The following GOLGB1 variants were observed in gnomAD, a reference collection of about 807,000 sequenced individuals.
The protein encoded by GOLGB1 is golgin subfamily B member 1.
A neutral mutation model predicts 336.9 loss-of-function variants in GOLGB1; 174 were observed. The observed-to-expected ratio is 0.52, with a 90% CI of 0.46 to 0.59. GOLGB1 has a LOEUF of 0.59. Among genes scored for constraint, GOLGB1 ranks in the 20% least tolerant of loss-of-function variants. The pLI, the probability that GOLGB1 is intolerant of heterozygous loss-of-function variation, is 0.00. For synonymous variants in GOLGB1, 1,208 were observed against 1,289.2 expected (o/e 0.94, Z 1.35); for missense variants, 3,331 against 3,645.3 (o/e 0.91, Z 2.22).
chr3:121,723,082 G>T (rs183306248), intron 5 of GOLGB1, among the ~76,000 whole-genome samples: 1 of 152,068 alleles, frequency 6.6e-6, no homozygotes, highest in Non-Finnish European at 1.5e-5. Flanking sequence ...GAAGAAAGAG[G>T]TCTACAAACG....
intron 9 of GOLGB1, among the ~76,000 whole-genome samples, chr3:121,716,099 A>G (rs991930266): frequency 6.6e-6 from 1 of 152,214 alleles, no homozygotes; most frequent in Non-Finnish European, 1.5e-5. Flanking sequence ...CTATGTCAAT[A>G]TATTAGTAAA....
intron 1 of GOLGB1, among the ~76,000 whole-genome samples, chr3:121,744,543 C>T (rs549488313): frequency 6.1e-5 from 9 of 147,276 alleles, no homozygotes; most frequent in African/African-American, 1.8e-4. Flanking sequence ...CACTTGAGCC[C>T]AGGAGTTTGA....
At chr3:121,726,056 T>C (rs908604745) in intron 5 of GOLGB1, among the ~76,000 whole-genome samples, 2 of 150,838 alleles carry the variant, frequency 1.3e-5, no homozygotes, top group Admixed American at 6.6e-5. Flanking sequence ...GATATGATTA[T>C]AGGTGATAAA....
intron 10 of GOLGB1, among the ~76,000 whole-genome samples, chr3:121,706,757 A>AC (rs1410444090): frequency 6.7e-6 from 1 of 149,398 alleles, no homozygotes; most frequent in Non-Finnish European, 1.5e-5. Flanking sequence ...AAAAAAAAAA[A>AC]AACCAACAAA....
In GOLGB1 at chr3:121,691,892, C is replaced by T. The variant is rs767375937; in HGVS notation, c.7472G>A (p.Arg2491Gln). Residue 2491 changes from arginine (R) to glutamine (Q), a missense_variant, in exon 14 of 22, where the codon CGA becomes CAA. Transcript: ENST00000614479. ...IVGDYQQLEERHLSIILEKDQ... is the reference protein window; with the variant it reads ...IVGDYQQLEEQHLSIILEKDQ... ...TTTTTCCAAGATTATAGAGAGATGT[C>T]GCTCTTCCAGCTGTTGATAGTCACC... 12 of 1,613,686 alleles carry T rather than the reference C, an allele frequency of 7.4e-6. No individual in the cohort carries two copies. Among genetic ancestry groups the T allele is most frequent in the East Asian group, 6.7e-5 (3 of 44,890 alleles).
rs1944666170 is a variant in GOLGB1 at position 121,715,245 on chromosome 3, C to A, written c.1289-269G>T. Among the ~76,000 whole-genome samples the A allele has an allele frequency of 2.7e-5, 4 of 150,532 alleles. 1 individual carries two copies. In the South Asian group the frequency reaches 8.4e-4, roughly 32 times the overall value. On this transcript the variant is annotated intron_variant, in intron 9 of 21. Transcript: ENST00000614479. Reference sequence around the variant, plus strand: ...TTGATACGGAGTCTCCCTCTGTTGCCTAAGCTGGAGTGCAGTGGTGCGATC... The same window carrying A: ...TTGATACGGAGTCTCCCTCTGTTGCATAAGCTGGAGTGCAGTGGTGCGATC...
chr3:121,693,078 G>A (rs576731274), intron 13 of GOLGB1, among the ~76,000 whole-genome samples: 14 of 152,234 alleles, frequency 9.2e-5, no homozygotes, highest in African/African-American at 2.6e-4. Flanking sequence ...ACTCTAAGAG[G>A]TATATGCAGT....
In GOLGB1 at chr3:121,693,815, A is replaced by G; in HGVS notation, c.6708T>C (p.Asp2236=). 6.2e-7 allele frequency: 1 copy of G among 1,610,606 alleles called. No individual in the cohort carries two copies. The highest frequency in any genetic ancestry group is 8.5e-7 in the Non-Finnish European group (1 of 1,176,802). Residue 2236 remains aspartate (D), a synonymous_variant, in exon 13 of 22, where the codon GAT becomes GAC. Transcript: ENST00000614479. ...SKEEEIRLKE[D]NCSVLKDQLR... is the part of the protein sequence containing the mutation. ...GTTGATCCTTTAGAACACTGCAATT[A>G]TCTTCTTTGAGTCTAATTTCTTCTT...
At position 121,699,845 on chromosome 3, in the gene GOLGB1, A is replaced by C; in HGVS notation, c.1560T>G (p.Asn520Lys). The change falls in exon 12 of 22, where the codon AAT (asparagine) becomes AAG (lysine). Residue 520 changes from asparagine to lysine, a missense_variant. By Grantham distance (94) the Asn-to-Lys change is moderately conservative. Transcript: ENST00000614479. ...SSQITLLEAQ[N>K]RTGEADREVS... The stretch of plus-strand genomic sequence containing the variant: ...CTTCTCTGTCTGCCTCCCCAGTTCT[A>C]TTCTGAGCCTCTAGGAGAGTAATCT... 3.1e-6 allele frequency: 5 copies of C among 1,606,198 alleles called. No homozygotes were observed. The highest frequency in any genetic ancestry group is 4.3e-6 in the Non-Finnish European group (5 of 1,173,778).
intron 13 of GOLGB1, among the ~76,000 whole-genome samples, chr3:121,693,359 G>T (rs761074919): frequency 6.6e-6 from 1 of 152,000 alleles, no homozygotes; most frequent in Non-Finnish European, 1.5e-5. Context: ...GTGTTGGTAG[G>T]CTCCTGTAAT....
chr3:121,686,347 AC>A (rs1325040394), intron 14 of GOLGB1, among the ~76,000 whole-genome samples: 1 of 152,184 alleles, frequency 6.6e-6, no homozygotes, highest in African/African-American at 2.4e-5. Flanking sequence ...TCTTTCTAAC[AC>A]AGTACAGGAT....
At chr3:121,699,735 A>G (rs922583826) in intron 12 of GOLGB1, 77 bp downstream of exon 12, 1 of 809,578 alleles carries the variant, frequency 1.2e-6, no homozygotes, top group Non-Finnish European at 2.1e-6. Context: ...CTAGAAAATT[A>G]TGGACGTATT....
At chr3:121,692,627 CTG>C (rs768920379) in intron 13 of GOLGB1, 46 bp from the exon 14 acceptor site, 19 of 1,137,820 alleles carry the variant, frequency 1.7e-5, no homozygotes, top group Non-Finnish European at 2.3e-5. Flanking sequence ...AAGAAAAAAA[CTG>C]TGTTTCCCAA....
intron 5 of GOLGB1, among the ~76,000 whole-genome samples, chr3:121,726,278 CA>C (rs1945589810): frequency 6.7e-6 from 1 of 149,746 alleles, no homozygotes; most frequent in Admixed American, 6.6e-5. Context: ...ACTAAAAATA[CA>C]AAAAATTAGC....
chr3:121,740,368 C>T (rs1278009612), intron 1 of GOLGB1, among the ~76,000 whole-genome samples: 2 of 152,120 alleles, frequency 1.3e-5, no homozygotes, highest in African/African-American at 4.8e-5. Flanking sequence ...TGTGACTCTA[C>T]AATTGTCTTC....
chr3:121,697,402 C>T lies in GOLGB1; in HGVS notation c.3121G>A (p.Glu1041Lys), dbSNP rs1943040045. ...EIPLSETERG[E>K]VEEDKENKEY... Reference sequence around the variant, plus strand: ...TTGTTTTCTTTATCTTCTTCCACTTCTCCCCTCTCAGTCTCACTGAGTGGG... The same window carrying T: ...TTGTTTTCTTTATCTTCTTCCACTTTTCCCCTCTCAGTCTCACTGAGTGGG... Residue 1041 changes from glutamate to lysine, a missense_variant, in exon 13 of 22, where the codon GAA (glutamate) becomes AAA (lysine). Glu to Lys is a moderately conservative substitution (Grantham distance 56). Transcript: ENST00000614479. The T allele has an allele frequency of 1.2e-6, 2 of 1,613,292 alleles. No individual in the cohort carries two copies. The highest frequency in any genetic ancestry group is 2.7e-5 in the African/African-American group (2 of 75,022).
At chr3:121,681,012 T>G (rs1456493836) in intron 15 of GOLGB1, among the ~76,000 whole-genome samples, 1 of 152,164 alleles carries the variant, frequency 6.6e-6, no homozygotes, top group African/African-American at 2.4e-5. Flanking sequence ...AAAACTTAGG[T>G]CCACACAAAA....
intron 17 of GOLGB1, among the ~76,000 whole-genome samples, chr3:121,671,720 A>G (rs964845983): frequency 6.6e-6 from 1 of 152,180 alleles, no homozygotes. Context: ...CTATTGATTT[A>G]CCTAACACTA....
Position 121,691,201 on chromosome 3 carries a change from T to A in GOLGB1, c.8163A>T (p.Glu2721Asp). ...AELARDLVEM[E>D]QKLLMVTKEN... ...CTTTGGTGACCATGAGTAATTTCTG[T>A]TCCATCTCCACCAAATCTCTTGCTA... Residue 2721 changes from glutamate (E) to aspartate (D), a missense_variant, in exon 14 of 22, where the codon GAA becomes GAT. By Grantham distance (45) the Glu-to-Asp change is conservative. Coordinates refer to ENST00000614479, the MANE Select transcript of GOLGB1 (RefSeq NM_001366282.2). 2 of 1,613,896 alleles carry A rather than the reference T, an allele frequency of 1.2e-6. No individual in the cohort carries two copies. Among genetic ancestry groups the A allele is most frequent in the Non-Finnish European group, 1.7e-6 (2 of 1,179,976 alleles).
Sources: allele counts gnomAD v4.1 joint callset (sites outside exome capture counted in the v4.1 genomes callset), GRCh38; gene constraint gnomAD v4.1.1; transcripts MANE v1.5; gene names NCBI Gene and HGNC (gene_info 2026-07-23, HGNC 2026-07-21).